The following ADAM17 variants were observed in gnomAD, a reference collection of about 807,000 sequenced individuals.
The protein encoded by ADAM17 is disintegrin and metalloproteinase domain-containing protein 17.
In ADAM17, 39 loss-of-function variants were observed where a neutral mutation model predicts 96.7. The ratio of observed to expected loss-of-function variants is 0.40; its 90% CI spans 0.31 to 0.53. ADAM17 has a LOEUF of 0.53. Ranked by LOEUF, ADAM17 falls within the 20% of genes least tolerant of loss-of-function variation. The pLI is 0.44. For synonymous variants in ADAM17, 344 were observed against 359.2 expected (o/e 0.96, Z 0.48); for missense variants, 777 against 1,013.2 (o/e 0.77, Z 3.17).
At chr2:9,502,083 T>C in intron 13 of ADAM17, 90 bp downstream of exon 13, 2 of 1,121,784 alleles carry the variant, frequency 1.8e-6, no homozygotes, top group Non-Finnish European at 2.6e-6. Context: ...AAATAAGGTG[T>C]CTCTCATCTG....
At chr2:9,504,763 GAAAA>G (rs55649546) in intron 12 of ADAM17, among the ~76,000 whole-genome samples, 5 of 117,794 alleles carry the variant, frequency 4.2e-5, no homozygotes, top group Admixed American at 8.9e-5. Context: ...TCTGTCTCAG[GAAAA>G]AAAAAAAAAA....
chr2:9,515,804 A>G (rs1572924453), intron 10 of ADAM17, among the ~76,000 whole-genome samples: 1 of 152,030 alleles, frequency 6.6e-6, no homozygotes, highest in Admixed American at 6.6e-5. Context: ...TGGCTGTTCC[A>G]TTTTTGCATT....
At chr2:9,510,197 G>C in intron 10 of ADAM17, 66 bp from the exon 11 acceptor site, 1 of 1,557,176 alleles carries the variant, frequency 6.4e-7, no homozygotes, top group South Asian at 1.1e-5. Flanking sequence ...CTGCCAGTTG[G>C]GCCTATGCTG....
intron 4 of ADAM17, among the ~76,000 whole-genome samples, chr2:9,532,337 T>C (rs1664780072): frequency 6.6e-6 from 1 of 152,162 alleles, no homozygotes; most frequent in South Asian, 2.1e-4. Context: ...TTATGAACTA[T>C]AAAAGTATCA....
Position 9,518,162 on chromosome 2 carries a change from A to G in ADAM17, c.1043T>C (p.Leu348Pro). 6.2e-7 allele frequency: 1 copy of G among 1,608,258 alleles called. No individual in the cohort carries two copies. The highest frequency in any genetic ancestry group is 8.5e-7 in the Non-Finnish European group (1 of 1,178,374). Residue 348 changes from leucine to proline, a missense_variant, in exon 9 of 19, where the codon CTT becomes CCT. Physicochemically the swap from Leu to Pro is moderately conservative, Grantham distance 98. This residue lies in a region of ADAM17 where 446 missense variants were observed against 664.7 expected (regional missense o/e 0.67). Transcript: ENST00000310823. ...FTYQDFDMGT[L>P]GLAYVGSPRA... ...GGGAGAGCCAACATAAGCTAATCCAAGAGTTCCCATATCAAAATCTTGGTA... is the reference window on the plus strand; with the variant it reads ...GGGAGAGCCAACATAAGCTAATCCAGGAGTTCCCATATCAAAATCTTGGTA...
At position 9,543,240 on chromosome 2, in the gene ADAM17, G is replaced by C. The variant is rs781773909; in HGVS notation, c.143C>G (p.Ser48Cys). The stretch of plus-strand genomic sequence containing the variant: ...TCTTACCGAATGCTGCTGGATATTA[G>C]ATAAAGAGAGAATATCGTAGTCTGA... ...LLSDYDILSL[S>C]NIQQHSVRKR... The change falls in exon 2 of 19, where the codon TCT (serine) becomes TGT (cysteine). Residue 48 changes from serine to cysteine, a missense_variant. Around this residue, in one of 3 missense-constraint regions of ADAM17, gnomAD observed 134 missense variants for 129.1 expected, o/e 1.04. Transcript: ENST00000310823. 1.2e-6 allele frequency: 2 copies of C among 1,608,812 alleles called. No homozygotes were observed. The highest frequency in any genetic ancestry group is 1.1e-5 in the South Asian group (1 of 90,192).
Position 9,517,990 on chromosome 2 carries a change from C to A in ADAM17, c.1103-1G>T. On this transcript the variant is annotated splice_acceptor_variant, in intron 9 of 18. Transcript: ENST00000310823. LOFTEE classifies it high-confidence loss of function. Reference sequence around the variant, plus strand: ...TTCTTCCCAACTGGGCTATAATAAGCTAAAGTCAAAAGGAAACAGAGATAA... The same window carrying A: ...TTCTTCCCAACTGGGCTATAATAAGATAAAGTCAAAAGGAAACAGAGATAA... 6.3e-7 allele frequency: 1 copy of A among 1,593,742 alleles called. No homozygotes were observed. The highest frequency in any genetic ancestry group is 8.5e-7 in the Non-Finnish European group (1 of 1,173,564).
chr2:9,536,079 T>C (rs985862434), intron 3 of ADAM17, among the ~76,000 whole-genome samples, 157 bp from the exon 4 acceptor site: 9 of 152,306 alleles, frequency 5.9e-5, no homozygotes, highest in African/African-American at 2.2e-4. Flanking sequence ...AGAAGCTAGA[T>C]AATCTCAACT....
intron 2 of ADAM17, among the ~76,000 whole-genome samples, chr2:9,537,521 C>G (rs188862116): frequency 1.8e-4 from 27 of 152,230 alleles, no homozygotes; most frequent in Middle Eastern, 3.4e-3. Flanking sequence ...ATCACGAGGT[C>G]AGGAGATCGA....
intron 1 of ADAM17, among the ~76,000 whole-genome samples, chr2:9,545,786 T>G (rs1242468389): frequency 6.6e-6 from 1 of 152,088 alleles, no homozygotes; most frequent in African/African-American, 2.4e-5. Flanking sequence ...TTAAATGTCG[T>G]TCACAAAAGG....
chr2:9,531,960 A>C (rs769544854), intron 4 of ADAM17, among the ~76,000 whole-genome samples: 3 of 152,054 alleles, frequency 2.0e-5, no homozygotes, highest in Non-Finnish European at 4.4e-5. Context: ...AAAATTTAAC[A>C]AATTAGTTGG....
rs142491523 is a variant in ADAM17, at chr2:9,542,003, G to A, written c.230+1150C>T. Among the ~76,000 whole-genome samples, 366 of 152,232 alleles carry A rather than the reference G, an allele frequency of 2.4e-3. 1 individual carries two copies. The highest frequency in any genetic ancestry group is 8.5e-3 in the African/African-American group (352 of 41,548). On this transcript the variant is annotated intron_variant, in intron 2 of 18. Coordinates refer to ENST00000310823, the MANE Select transcript of ADAM17 (RefSeq NM_003183.6). ...TGCAGTGAGCCAAGATCACACAACTGCACTCCAGCCTGGACGACAGAGCAA... is the reference window on the plus strand; with the variant it reads ...TGCAGTGAGCCAAGATCACACAACTACACTCCAGCCTGGACGACAGAGCAA...
rs1225954454 is a variant in ADAM17 at position 9,494,975 on chromosome 2, T to TA, written c.1784-209dup. ...CTTCAGTGACAGAGGCCACAAGGTT[T>TA]AAAAAAAAATGCAGAGAAAAATCCA... On this transcript the variant is annotated intron_variant, in intron 14 of 18. Transcript: ENST00000310823. 6.2e-4 allele frequency: 272 copies of TA among 435,752 alleles called. 1 individual carries two copies. Among genetic ancestry groups the TA allele is most frequent in the Admixed American group, 1.6e-3 (43 of 26,118 alleles). 27.0% of individuals were successfully genotyped at this position (435,752 alleles called of 1,614,324 possible).
At chr2:9,550,709 T>G (rs894284799) in intron 1 of ADAM17, among the ~76,000 whole-genome samples, 1 of 151,424 alleles carries the variant, frequency 6.6e-6, no homozygotes, top group African/African-American at 2.4e-5. Context: ...CCTCCCAAAG[T>G]GCTGGGACTA....
chr2:9,508,111 T>C (rs1480648020), intron 11 of ADAM17, among the ~76,000 whole-genome samples: 3 of 152,134 alleles, frequency 2.0e-5, no homozygotes, highest in Admixed American at 6.6e-5. Flanking sequence ...AGTAAAACAT[T>C]TTGCTCCCAA....
intron 10 of ADAM17, among the ~76,000 whole-genome samples, chr2:9,512,061 T>C (rs1486362484): frequency 1.3e-5 from 2 of 151,878 alleles, no homozygotes; most frequent in African/African-American, 4.8e-5. Flanking sequence ...GGGAAATCAC[T>C]CCATAGAACC....
rs1664944582 is a variant in ADAM17 at position 9,535,933 on chromosome 2, A to G, written c.362-11T>C. 6.1e-6 allele frequency: 9 copies of G among 1,486,528 alleles called. No individual in the cohort carries two copies. The highest frequency in any genetic ancestry group is 8.1e-6 in the Non-Finnish European group (9 of 1,108,802). 92.1% of individuals were successfully genotyped at this position (1,486,528 alleles called of 1,614,324 possible). A position where few individuals can be genotyped will look rare whatever the true frequency, so the allele number is the denominator to read the frequency against. Reference sequence around the variant, plus strand: ...TAGAGTCAGGCTCACCTTAAGAGAAAAAAAAAATTATTATTTAAAAATACT... The same window carrying G: ...TAGAGTCAGGCTCACCTTAAGAGAAGAAAAAAATTATTATTTAAAAATACT... On this transcript the variant is annotated splice_polypyrimidine_tract_variant and intron_variant, in intron 3 of 18. Transcript: ENST00000310823.
intron 13 of ADAM17, among the ~76,000 whole-genome samples, chr2:9,500,512 AAT>A (rs1256055509): frequency 6.6e-6 from 1 of 152,192 alleles, no homozygotes; most frequent in Non-Finnish European, 1.5e-5. Flanking sequence ...ATATACTAAA[AAT>A]CATTAAACTG....
At chr2:9,534,702 T>C (rs913975569) in intron 4 of ADAM17, among the ~76,000 whole-genome samples, 2 of 152,180 alleles carry the variant, frequency 1.3e-5, no homozygotes, top group East Asian at 1.9e-4. Flanking sequence ...TATTTGTGTA[T>C]TTACACATAG....
Sources: allele counts gnomAD v4.1 joint callset (sites outside exome capture counted in the v4.1 genomes callset), GRCh38; gene constraint gnomAD v4.1.1; regional missense constraint gnomAD v4.1.1; transcripts MANE v1.5; gene names NCBI Gene and HGNC (gene_info 2026-07-23, HGNC 2026-07-21).